PLEKHG1: variants seen among roughly 807,000 people sequenced by gnomAD.
PLEKHG1 encodes pleckstrin homology domain-containing family G member 1.
PLEKHG1 carries 44 observed loss-of-function variants against 100.8 expected under a neutral mutation model. The observed-to-expected ratio is 0.44, with a 90% CI of 0.34 to 0.56. The LOEUF is 0.56. Among genes scored for constraint, PLEKHG1 ranks in the 20% least tolerant of loss-of-function variants. The pLI, the probability that PLEKHG1 is intolerant of heterozygous loss-of-function variation, is 0.01. For missense variants in PLEKHG1, 1,545 were observed against 1,720.9 expected (o/e 0.90, Z 1.81); for synonymous variants, 640 against 662.5 (o/e 0.97, Z 0.52).
At chr6:150,767,302 TA>T (rs147415293) in intron 2 of PLEKHG1, among the ~76,000 whole-genome samples, 2,600 of 152,296 alleles carry the variant, frequency 0.017, 25 homozygotes, top group Non-Finnish European at 0.028. Context: ...TAGGCCAAGC[TA>T]TTTGGGGATT....
At chr6:150,777,516 A>G (rs1177875751) in intron 3 of PLEKHG1, among the ~76,000 whole-genome samples, 48 of 140,874 alleles carry the variant, frequency 3.4e-4, no homozygotes, top group African/African-American at 9.1e-4. Context: ...CACTGATGCA[A>G]TCCTGGTGCA....
intron 1 of PLEKHG1, among the ~76,000 whole-genome samples, chr6:150,637,270 G>T (rs1349826196): frequency 6.6e-6 from 1 of 151,950 alleles, no homozygotes; most frequent in Non-Finnish European, 1.5e-5. Context: ...CCCATCGTGG[G>T]TCATGAAATT....
chr6:150,810,203 G>A (rs13216221), intron 10 of PLEKHG1, among the ~76,000 whole-genome samples: 1 of 151,552 alleles, frequency 6.6e-6, no homozygotes, highest in African/African-American at 2.4e-5. Flanking sequence ...GGGAGACTGA[G>A]GTGGGAGGAT....
At chr6:150,735,429 G>T (rs1782514047) in intron 2 of PLEKHG1, among the ~76,000 whole-genome samples, 1 of 152,190 alleles carries the variant, frequency 6.6e-6, no homozygotes, top group Non-Finnish European at 1.5e-5. Context: ...TATTGCCAAT[G>T]AGCATGTTCT....
chr6:150,831,495 A>G lies in PLEKHG1; in HGVS notation c.2384A>G (p.Asp795Gly). 1 of 1,614,102 alleles carries G rather than the reference A, an allele frequency of 6.2e-7. No individual in the cohort carries two copies. The highest frequency in any genetic ancestry group is 1.1e-5 in the South Asian group (1 of 91,068). ...CAAGACAGCCTCCAGCTCAGTGAGG[A>G]CGAAGCCCCTTACCATCAGGCCACT... Residue 795 changes from aspartate (D) to glycine (G), a missense_variant, in exon 15 of 16, where the codon GAC becomes GGC. Transcript: ENST00000358517. This position sits in a 1 kb window ranked among gnomAD's most constrained non-coding sequence, Gnocchi z 4.1.
intron 2 of PLEKHG1, among the ~76,000 whole-genome samples, chr6:150,761,877 C>T (rs760558601): frequency 2.6e-5 from 4 of 152,144 alleles, no homozygotes; most frequent in Non-Finnish European, 5.9e-5. Context: ...TTCCTAGGCC[C>T]AGCTGGCCCA....
chr6:150,744,139 A>G lies in PLEKHG1; in HGVS notation c.411+10047A>G, dbSNP rs564706894. Among the ~76,000 whole-genome samples the G allele has an allele frequency of 3.6e-3, 541 of 152,254 alleles. 4 individuals carry two copies. Among genetic ancestry groups the G allele is most frequent in the African/African-American group, 0.012 (494 of 41,536 alleles). ...GCCCAGGTTGGAGTGCAGTGGCACA[A>G]TCTCTGCTCACTGCAAGCCCCGCCT... On this transcript the variant is annotated intron_variant, in intron 2 of 15. Transcript: ENST00000358517.
chr6:150,756,005 T>G (rs1053762197), intron 2 of PLEKHG1, among the ~76,000 whole-genome samples: 2 of 152,246 alleles, frequency 1.3e-5, no homozygotes, highest in Non-Finnish European at 1.5e-5. Context: ...GCTGTGGAAA[T>G]TCATATCTCT....
chr6:150,636,376 C>T (rs1254031881), intron 1 of PLEKHG1, among the ~76,000 whole-genome samples: 1 of 152,096 alleles, frequency 6.6e-6, no homozygotes, highest in East Asian at 1.9e-4. Flanking sequence ...TCTTTTGAGC[C>T]GTTCTGACGT....
chr6:150,691,700 T>C (rs1336923959), intron 3 of PLEKHG1, among the ~76,000 whole-genome samples: 2 of 152,214 alleles, frequency 1.3e-5, no homozygotes, highest in Non-Finnish European at 2.9e-5. Context: ...TCTTCTTCTA[T>C]CAATAGAATG....
chr6:150,604,265 C>T (rs1776493590), intron 1 of PLEKHG1, among the ~76,000 whole-genome samples: 1 of 152,094 alleles, frequency 6.6e-6, no homozygotes. Context: ...AGATCTAGTT[C>T]TCTGGGTCTA....
chr6:150,840,474 C>G (rs779223566), exon 16 of PLEKHG1: 1 of 1,614,132 alleles, frequency 6.2e-7, no homozygotes, highest in Admixed American at 1.7e-5. Context: ...CCAAGACTCA[C>G]AGAAAGTTGT....
intron 1 of PLEKHG1, among the ~76,000 whole-genome samples, chr6:150,607,807 A>G (rs778993361): frequency 6.6e-6 from 1 of 152,202 alleles, no homozygotes; most frequent in Non-Finnish European, 1.5e-5. Context: ...TGAGATGGTC[A>G]GGGAGCAGAT....
chr6:150,719,927 C>G (rs996171385), upstream of PLEKHG1, among the ~76,000 whole-genome samples: 1 of 152,130 alleles, frequency 6.6e-6, no homozygotes, highest in African/African-American at 2.4e-5. Flanking sequence ...GTAGGTTCAG[C>G]CTGATTTGAA....
chr6:150,795,567 T>A (rs2128659121), intron 4 of PLEKHG1, among the ~76,000 whole-genome samples: 1 of 149,702 alleles, frequency 6.7e-6, no homozygotes, highest in South Asian at 2.1e-4. Flanking sequence ...GACATTGAAA[T>A]CCACCAAAGC....
intron 1 of PLEKHG1, among the ~76,000 whole-genome samples, chr6:150,613,827 G>A (rs4869921): frequency 0.08 from 12,099 of 152,158 alleles, 555 homozygotes; most frequent in Non-Finnish European, 0.1. Context: ...AGCATCTCAC[G>A]AATGGCAGAC....
At chr6:150,778,273 G>A (rs753840131) in intron 3 of PLEKHG1, among the ~76,000 whole-genome samples, 21 of 152,106 alleles carry the variant, frequency 1.4e-4, no homozygotes, top group Admixed American at 3.9e-4. Context: ...AATTACAGGC[G>A]CTCACCATCA....
At chr6:150,641,539 C>T (rs1203557239) in intron 2 of PLEKHG1, among the ~76,000 whole-genome samples, 1 of 152,186 alleles carries the variant, frequency 6.6e-6, no homozygotes, top group Non-Finnish European at 1.5e-5. Context: ...CTCTTACTTT[C>T]CTCATGGGCT....
At chr6:150,722,941 T>C (rs1403894058) in intron 1 of PLEKHG1, among the ~76,000 whole-genome samples, 2 of 152,214 alleles carry the variant, frequency 1.3e-5, no homozygotes, top group East Asian at 3.8e-4. Context: ...GGAGCATAGA[T>C]TATTATTTAA....
Sources: gnomAD v4.1 joint callset for allele counts (sites outside exome capture counted in the v4.1 genomes callset) on GRCh38, gnomAD v4.1.1 for gene constraint, Gnocchi (gnomAD v3.1) non-coding constraint, MANE v1.5 for transcripts, NCBI Gene and HGNC (gene_info 2026-07-23, HGNC 2026-07-21) for gene names.